The following ITPR2 variants were observed in gnomAD, a reference collection of about 807,000 sequenced individuals.
The protein encoded by ITPR2 is inositol 1,4,5-trisphosphate receptor type 2.
ITPR2 carries 207 observed loss-of-function variants against 317.1 expected under a neutral mutation model. The ratio of observed to expected loss-of-function variants is 0.65; its 90% CI spans 0.58 to 0.73. ITPR2 has a LOEUF of 0.73. Among genes scored for constraint, ITPR2 ranks in the 30% least tolerant of loss-of-function variants. The probability of loss-of-function intolerance (pLI) is 0.00; values close to 1 mark genes in which losing one functional copy is unlikely to be tolerated. For missense variants in ITPR2, 2,613 were observed against 3,284.0 expected, an observed-to-expected ratio of 0.80 and a Z score of 4.99; for synonymous variants, 1,156 against 1,149.1, an observed-to-expected ratio of 1.01 and a Z score of -0.12.
chr12:26,342,203 T>TCC (rs1938137915), intron 55 of ITPR2, among the ~76,000 whole-genome samples: 1 of 152,018 alleles, frequency 6.6e-6, no homozygotes. Context: ...GCTGGGAAGA[T>TCC]CAATAGAGTG....
chr12:26,506,568 A>G (rs1035527926), intron 37 of ITPR2, among the ~76,000 whole-genome samples: 6 of 151,488 alleles, frequency 4.0e-5, no homozygotes, highest in African/African-American at 1.2e-4. Flanking sequence ...CTCATTACCT[A>G]TGGTCGGCTG....
At chr12:26,574,658 A>G (rs1423288573) in intron 34 of ITPR2, among the ~76,000 whole-genome samples, 1 of 152,176 alleles carries the variant, frequency 6.6e-6, no homozygotes, top group Non-Finnish European at 1.5e-5. Context: ...TTGATAAAGA[A>G]AAGAGTTTTA....
At chr12:26,596,348 C>T (rs1945843868) in intron 31 of ITPR2, among the ~76,000 whole-genome samples, 1 of 152,152 alleles carries the variant, frequency 6.6e-6, no homozygotes, top group Non-Finnish European at 1.5e-5. Flanking sequence ...GGCTATAGTT[C>T]TTAAAAGTTT....
At chr12:26,566,060 A>G (rs1257981437) in intron 34 of ITPR2, among the ~76,000 whole-genome samples, 1 of 118,928 alleles carries the variant, frequency 8.4e-6, no homozygotes, top group Non-Finnish European at 1.8e-5. Context: ...TGGAGAGGAG[A>G]AGGAGAGGAA....
intron 38 of ITPR2, 67 bp from the exon 39 acceptor site, chr12:26,494,407 A>G: frequency 1.0e-6 from 1 of 967,682 alleles, no homozygotes. Flanking sequence ...AGGTTTTCAA[A>G]TTCTTAAATT....
intron 26 of ITPR2, among the ~76,000 whole-genome samples, chr12:26,606,321 T>C (rs6487565): frequency 0.76 from 116,258 of 152,172 alleles, 44,966 homozygotes; most frequent in East Asian, 0.95. Flanking sequence ...TAACTGCTTC[T>C]TATCATCTAG....
chr12:26,708,633 G>A (rs1185870088), intron 9 of ITPR2, among the ~76,000 whole-genome samples: 8 of 152,152 alleles, frequency 5.3e-5, no homozygotes, highest in Non-Finnish European at 1.2e-4. Context: ...AAAAGGTGGA[G>A]GTGATTAATG....
intron 2 of ITPR2, among the ~76,000 whole-genome samples, chr12:26,732,961 AG>A (rs1565725268): frequency 6.6e-6 from 1 of 152,198 alleles, no homozygotes; most frequent in African/African-American, 2.4e-5. Context: ...TTCCCATAAT[AG>A]ATGTGATTTT....
chr12:26,681,299 G>A (rs1016881511), intron 13 of ITPR2, among the ~76,000 whole-genome samples: 6 of 152,168 alleles, frequency 3.9e-5, no homozygotes, highest in Non-Finnish European at 1.5e-5. Context: ...CCTAGTAAGT[G>A]ACACAAAGCA....
intron 41 of ITPR2, among the ~76,000 whole-genome samples, chr12:26,485,754 T>C (rs1009757457): frequency 4.7e-4 from 71 of 152,286 alleles, no homozygotes; most frequent in African/African-American, 1.6e-3. Flanking sequence ...CTTAAGAATA[T>C]AAAATCATGA....
chr12:26,660,643 C>A (rs1193315282), intron 15 of ITPR2, among the ~76,000 whole-genome samples: 2 of 152,042 alleles, frequency 1.3e-5, no homozygotes, highest in African/African-American at 2.4e-5. Context: ...AGAATGATGG[C>A]TTTGTGTATT....
intron 53 of ITPR2, among the ~76,000 whole-genome samples, chr12:26,399,866 C>T (rs569001480): frequency 1.1e-4 from 16 of 152,278 alleles, no homozygotes; most frequent in South Asian, 2.1e-4. Flanking sequence ...ATATAAAGTT[C>T]GCAGTCATGA....
At chr12:26,706,834 C>T (rs1019411324) in intron 9 of ITPR2, among the ~76,000 whole-genome samples, 1 of 152,164 alleles carries the variant, frequency 6.6e-6, no homozygotes, top group African/African-American at 2.4e-5. Flanking sequence ...AGCAAGGAGA[C>T]CTGTCAGTCA....
chr12:26,525,477 T>C (rs935685796), intron 37 of ITPR2, among the ~76,000 whole-genome samples: 3 of 152,218 alleles, frequency 2.0e-5, no homozygotes, highest in Admixed American at 6.5e-5. Context: ...ATTAATCTTA[T>C]AGAGTCACTC....
chr12:26,679,853 C>T (rs977542093), intron 13 of ITPR2, among the ~76,000 whole-genome samples: 2 of 152,008 alleles, frequency 1.3e-5, no homozygotes, highest in African/African-American at 4.8e-5. Context: ...AGGCTATAGT[C>T]CCCAACATTA....
At chr12:26,717,535 C>G (rs980121182) in intron 5 of ITPR2, among the ~76,000 whole-genome samples, 1 of 152,218 alleles carries the variant, frequency 6.6e-6, no homozygotes, top group Admixed American at 6.5e-5. Flanking sequence ...AAGTCAGATG[C>G]TGTAACTCAC....
At chr12:26,413,126 T>C (rs73081121) in intron 51 of ITPR2, among the ~76,000 whole-genome samples, 20,212 of 152,174 alleles carry the variant, frequency 0.13, 2,161 homozygotes, top group East Asian at 0.38. Flanking sequence ...CAGATCCTTC[T>C]CTCTAAGTTC....
chr12:26,547,674 G>A (rs1944422681), intron 37 of ITPR2, among the ~76,000 whole-genome samples: 1 of 152,180 alleles, frequency 6.6e-6, no homozygotes, highest in Non-Finnish European at 1.5e-5. Flanking sequence ...CGGATGAATG[G>A]GTAAAGAAAA....
intron 37 of ITPR2, among the ~76,000 whole-genome samples, chr12:26,501,770 T>G (rs1277867245): frequency 6.6e-6 from 1 of 152,252 alleles, no homozygotes; most frequent in Non-Finnish European, 1.5e-5. Context: ...AGACATTTAT[T>G]ACATTTCTAC....
Sources: gnomAD v4.1 joint callset for allele counts (sites outside exome capture counted in the v4.1 genomes callset) on GRCh38, gnomAD v4.1.1 for gene constraint, MANE v1.5 for transcripts, NCBI Gene and HGNC (gene_info 2026-07-23, HGNC 2026-07-21) for gene names.